The following USP3 variants were observed in gnomAD, a reference collection of about 807,000 sequenced individuals.
USP3 encodes ubiquitin specific peptidase 3.
Under a neutral mutation model 72.3 loss-of-function variants are expected in USP3, and 20 were observed. The observed-to-expected ratio is 0.28, with a 90% confidence interval of 0.19 to 0.40. The LOEUF is 0.40. Ranked by LOEUF, USP3 falls within the 10% of genes least tolerant of loss-of-function variation. The pLI is 1.00. For missense variants in USP3, 479 were observed against 633.9 expected (o/e 0.76, Z 2.62); for synonymous variants, 222 against 225.3 (o/e 0.99, Z 0.13).
chr15:63,563,413 C>T (rs960002317), intron 8 of USP3, among the ~76,000 whole-genome samples: 6 of 152,122 alleles, frequency 3.9e-5, no homozygotes, highest in Admixed American at 3.3e-4. Context: ...ATGAACTGTT[C>T]GGAGCTGAGT....
At position 63,588,825 on chromosome 15, in the gene USP3, T is replaced by C. The variant is rs1382767472; in HGVS notation, c.1329+10T>C. 1.9e-6 allele frequency: 3 copies of C among 1,612,636 alleles called. No homozygotes were observed. In the South Asian group the frequency reaches 3.3e-5, roughly 18 times the overall value. On this transcript the variant is annotated intron_variant, in intron 13 of 14. Transcript: ENST00000380324. This position sits in a 1 kb window ranked among gnomAD's most constrained non-coding sequence, Gnocchi z 4.6. The stretch of plus-strand genomic sequence containing the variant: ...ATGCTACTTACTAGAGGTAAGGTGG[T>C]TACCTTTTTAGCATGGTGAAAAAAT...
intron 11 of USP3, among the ~76,000 whole-genome samples, chr15:63,586,343 C>T (rs970218575): frequency 5.9e-5 from 9 of 152,132 alleles, no homozygotes; most frequent in African/African-American, 2.2e-4. Context: ...TTGAAGTTCT[C>T]CTTTTTTCTA....
intron 1 of USP3, among the ~76,000 whole-genome samples, chr15:63,513,633 C>T (rs573231561): frequency 1.3e-5 from 2 of 152,186 alleles, no homozygotes; most frequent in Admixed American, 1.3e-4. Context: ...CCTCAGCCTC[C>T]CAAAGTGCTG....
chr15:63,504,792 A>G lies in USP3; in HGVS notation c.53A>G (p.Lys18Arg), dbSNP rs763008032. The change falls in exon 1 of 15, where the codon AAG becomes AGG. Residue 18 changes from lysine to arginine, a missense_variant. Coordinates refer to ENST00000380324, the MANE Select transcript of USP3 (RefSeq NM_006537.4). ...SSVCIAPDSA[K>R]FPNGSPSSWC... ...GTCTGCATTGCTCCGGACTCAGCCAAGTTCCCCAACGGCTCCCCGTCGTCC... is the reference window on the plus strand; with the variant it reads ...GTCTGCATTGCTCCGGACTCAGCCAGGTTCCCCAACGGCTCCCCGTCGTCC... 6.2e-6 allele frequency: 10 copies of G among 1,611,154 alleles called. No individual in the cohort carries two copies. The highest frequency in any genetic ancestry group is 8.5e-6 in the Non-Finnish European group (10 of 1,178,966).
At chr15:63,548,821 G>A (rs1278689453) in intron 3 of USP3, among the ~76,000 whole-genome samples, 1 of 152,006 alleles carries the variant, frequency 6.6e-6, no homozygotes, top group African/African-American at 2.4e-5. Context: ...AACCTCCTGA[G>A]TAGCTGGGAT....
Position 63,529,998 on chromosome 15 carries a change from G to A in USP3, c.92-2649G>A, listed in dbSNP as rs773305322. Among the ~76,000 whole-genome samples the A allele has an allele frequency of 9.9e-5, 15 of 152,084 alleles. No individual in the cohort carries two copies. In the South Asian group the frequency reaches 1.0e-3, roughly 11 times the overall value. Reference sequence around the variant, plus strand: ...AAGAAAAACAGAAAATTAGCCAGGCGTGGTGGCAGATGCCTGTAGTCCCTG... The same window carrying A: ...AAGAAAAACAGAAAATTAGCCAGGCATGGTGGCAGATGCCTGTAGTCCCTG... On this transcript the variant is annotated intron_variant, in intron 1 of 14. Transcript: ENST00000380324. This position sits in a 1 kb window ranked among gnomAD's most constrained non-coding sequence, Gnocchi z 4.2.
chr15:63,544,866 C>A lies in USP3; in HGVS notation c.284+7710C>A. 1 of 604,902 alleles carries A rather than the reference C, an allele frequency of 1.7e-6. No homozygotes were observed. The allele number at this position is 604,902 out of a possible 1,614,324, so 37.5% of individuals were successfully genotyped here. ...GCAAGGCTGACATTGTGGGGACCAT[C>A]AAATACTATACTTAGTTCAGTTACA... On this transcript the variant is annotated intron_variant, in intron 3 of 14. Transcript: ENST00000380324. The surrounding 1 kb of genome is among the most constrained non-coding windows in gnomAD (Gnocchi z 4.2).
intron 9 of USP3, among the ~76,000 whole-genome samples, chr15:63,573,829 G>A (rs1327387229): frequency 6.6e-6 from 1 of 152,142 alleles, no homozygotes; most frequent in Non-Finnish European, 1.5e-5. Flanking sequence ...ATTGGATGAG[G>A]GCATTGGGGG....
intron 1 of USP3, among the ~76,000 whole-genome samples, chr15:63,520,308 A>G (rs930775851): frequency 6.6e-6 from 1 of 152,128 alleles, no homozygotes; most frequent in African/African-American, 2.4e-5. Flanking sequence ...ATTATCTACA[A>G]TGAGTGTGTA....
At chr15:63,580,009 T>G (rs2066926015) in intron 11 of USP3, among the ~76,000 whole-genome samples, 1 of 152,156 alleles carries the variant, frequency 6.6e-6, no homozygotes, top group South Asian at 2.1e-4. Flanking sequence ...ACATACTAAT[T>G]TCACTTACAA....
intron 3 of USP3, among the ~76,000 whole-genome samples, chr15:63,552,836 T>C (rs2066455795): frequency 6.6e-6 from 1 of 152,226 alleles, no homozygotes; most frequent in African/African-American, 2.4e-5. Flanking sequence ...CAAAGTTTTG[T>C]TTGCTCAGAA....
At position 63,574,298 on chromosome 15, in the gene USP3, C is replaced by G; in HGVS notation, c.1016-25C>G. On this transcript the variant is annotated intron_variant, in intron 10 of 14. Coordinates refer to ENST00000380324, the MANE Select transcript of USP3 (RefSeq NM_006537.4). This position sits in a 1 kb window ranked among gnomAD's most constrained non-coding sequence, Gnocchi z 4.6. ...GGACATATATGCCTTTAACAGCTCT[C>G]TGTTTACCTCTCTCTCCTTTTAAGA... 1 of 1,559,464 alleles carries G rather than the reference C, an allele frequency of 6.4e-7. No individual in the cohort carries two copies. Among genetic ancestry groups the G allele is most frequent in the Non-Finnish European group, 8.6e-7 (1 of 1,156,572 alleles).
chr15:63,516,088 A>G (rs2065847199), intron 1 of USP3, among the ~76,000 whole-genome samples: 1 of 152,016 alleles, frequency 6.6e-6, no homozygotes, highest in African/African-American at 2.4e-5. Context: ...ATAGTGATTC[A>G]TTTTTCTTTC....
intron 7 of USP3, among the ~76,000 whole-genome samples, chr15:63,562,069 G>T (rs1216603093): frequency 1.3e-5 from 2 of 152,166 alleles, no homozygotes; most frequent in Non-Finnish European, 2.9e-5. Context: ...AACCTCCAGA[G>T]GCCCTATCCA....
At chr15:63,533,692 C>T in intron 2 of USP3, 1 of 356,824 alleles carries the variant, frequency 2.8e-6, no homozygotes, top group Non-Finnish European at 5.2e-6. Flanking sequence ...TTTGATTTTT[C>T]ACATTTTGAG....
rs1417290607 is a variant in USP3 at position 63,588,999 on chromosome 15, A to G, written c.1385A>G (p.His462Arg). Residue 462 changes from histidine (H) to arginine (R), a missense_variant, in exon 14 of 15, where the codon CAC becomes CGC. Coordinates refer to ENST00000380324, the MANE Select transcript of USP3 (RefSeq NM_006537.4). This position sits in a 1 kb window ranked among gnomAD's most constrained non-coding sequence, Gnocchi z 4.6. ...CLYDLAAVVV[H>R]HGSGVGSGHY... ...TATGACCTCGCCGCTGTGGTGGTGC[A>G]CCATGGTTCCGGGTGAGTACAACAG... 6.2e-6 allele frequency: 10 copies of G among 1,613,456 alleles called. No individual in the cohort carries two copies. Among genetic ancestry groups the G allele is most frequent in the Non-Finnish European group, 8.5e-6 (10 of 1,180,016 alleles).
At chr15:63,569,383 T>C (rs2066744255) in intron 8 of USP3, among the ~76,000 whole-genome samples, 1 of 152,204 alleles carries the variant, frequency 6.6e-6, no homozygotes. Context: ...GACTTTAAGT[T>C]CCAAAGTTCC....
At position 63,570,724 on chromosome 15, in the gene USP3, T is replaced by A; in HGVS notation, c.908+145T>A. The A allele has an allele frequency of 8.6e-7, 1 of 1,164,828 alleles. No homozygotes were observed. The highest frequency in any genetic ancestry group is 1.2e-6 in the Non-Finnish European group (1 of 841,168). 72.2% of individuals were successfully genotyped at this position (1,164,828 alleles called of 1,614,324 possible). ...CGTGCCCTTGAACTTTGTGACCCAG[T>A]GAACTAGCACATACCTCTTGCTTCT... On this transcript the variant is annotated intron_variant, in intron 9 of 14. Coordinates refer to ENST00000380324, the MANE Select transcript of USP3 (RefSeq NM_006537.4). This position sits in a 1 kb window ranked among gnomAD's most constrained non-coding sequence, Gnocchi z 4.4.
intron 6 of USP3, among the ~76,000 whole-genome samples, chr15:63,559,222 A>C (rs2066564086): frequency 6.6e-6 from 1 of 152,250 alleles, no homozygotes; most frequent in Non-Finnish European, 1.5e-5. Flanking sequence ...AATATGAGAC[A>C]AGTAGTAAAA....
Sources: allele counts gnomAD v4.1 joint callset (sites outside exome capture counted in the v4.1 genomes callset), GRCh38; gene constraint gnomAD v4.1.1; non-coding constraint Gnocchi (gnomAD v3.1); transcripts MANE v1.5; gene names NCBI Gene and HGNC (gene_info 2026-07-23, HGNC 2026-07-21).